Variants in AGBL4 observed in about 807,000 individuals in gnomAD.
AGBL4 encodes the protein AGBL carboxypeptidase 4.
In AGBL4, 58 loss-of-function variants were observed where a neutral mutation model predicts 66.4. The ratio of observed to expected loss-of-function variants is 0.87; its 90% CI spans 0.71 to 1.09. The LOEUF (loss-of-function observed/expected upper bound fraction) is 1.09, where lower values mean the gene tolerates loss of function less well. Ranked by LOEUF, AGBL4 falls within the 50% of genes least tolerant of loss-of-function variation. The probability of loss-of-function intolerance (pLI) is 0.00; values close to 1 mark genes in which losing one functional copy is unlikely to be tolerated. For missense variants in AGBL4, 579 were observed against 631.0 expected, an observed-to-expected ratio of 0.92 and a Z score of 0.88; for synonymous variants, 234 against 222.9, an observed-to-expected ratio of 1.05 and a Z score of -0.44.
intron 6 of AGBL4, among the ~76,000 whole-genome samples, chr1:48,665,923 A>G (rs1646179899): frequency 6.6e-6 from 1 of 152,232 alleles, no homozygotes; most frequent in Admixed American, 6.5e-5. Flanking sequence ...AGTCAATTGC[A>G]TTCAGCATTT....
At chr1:48,615,521 G>T (rs1294053257) in intron 9 of AGBL4, among the ~76,000 whole-genome samples, 1 of 152,138 alleles carries the variant, frequency 6.6e-6, no homozygotes. Flanking sequence ...AACCTTAAAA[G>T]TTCAGTTTTC....
intron 3 of AGBL4, chr1:49,472,233 T>G (rs770843677): frequency 4.6e-5 from 7 of 152,060 alleles, no homozygotes; most frequent in Admixed American, 1.3e-4. Flanking sequence ...TATTTAAGTC[T>G]GATGTGGAGT....
At chr1:48,799,408 G>GT (rs1426461003) in intron 6 of AGBL4, among the ~76,000 whole-genome samples, 2 of 152,086 alleles carry the variant, frequency 1.3e-5, no homozygotes, top group Non-Finnish European at 2.9e-5. Flanking sequence ...AGTCTTTAGG[G>GT]TTTTTTAGGT....
At chr1:49,984,148 T>G (rs1042616514) in intron 1 of AGBL4, among the ~76,000 whole-genome samples, 1 of 152,238 alleles carries the variant, frequency 6.6e-6, no homozygotes, top group African/African-American at 2.4e-5. Flanking sequence ...AGATTTTTCT[T>G]GTTCTCTAGC....
chr1:49,695,301 T>C (rs759726257), intron 3 of AGBL4, among the ~76,000 whole-genome samples: 4 of 152,092 alleles, frequency 2.6e-5, no homozygotes, highest in Non-Finnish European at 4.4e-5. Context: ...GTTGCTGATA[T>C]GAGACAGGAA....
chr1:49,472,240 G>C (rs771340052), intron 3 of AGBL4, among the ~76,000 whole-genome samples: 2 of 151,976 alleles, frequency 1.3e-5, no homozygotes, highest in African/African-American at 2.4e-5. Flanking sequence ...GTCTGATGTG[G>C]AGTCTCATAA....
At chr1:49,068,805 C>G (rs1475731508) in intron 4 of AGBL4, among the ~76,000 whole-genome samples, 3 of 152,200 alleles carry the variant, frequency 2.0e-5, no homozygotes, top group Non-Finnish European at 4.4e-5. Flanking sequence ...GGAGTCACCA[C>G]AGAGTCTTCC....
chr1:48,608,424 A>G (rs551493825), intron 9 of AGBL4, among the ~76,000 whole-genome samples: 1 of 152,278 alleles, frequency 6.6e-6, no homozygotes, highest in East Asian at 1.9e-4. Flanking sequence ...CAAAAATTGC[A>G]TGGTGAGGGG....
chr1:49,504,243 T>C (rs1320522899), intron 3 of AGBL4, among the ~76,000 whole-genome samples: 5 of 152,104 alleles, frequency 3.3e-5, no homozygotes, highest in Non-Finnish European at 5.9e-5. Flanking sequence ...CCTTCTGCCA[T>C]GATTGTAAGT....
chr1:49,053,600 A>G (rs1644258882), intron 4 of AGBL4, among the ~76,000 whole-genome samples: 1 of 152,190 alleles, frequency 6.6e-6, no homozygotes, highest in Non-Finnish European at 1.5e-5. Context: ...GAGACTAAGC[A>G]GTCCTGCTTA....
intron 4 of AGBL4, among the ~76,000 whole-genome samples, chr1:49,118,583 T>G (rs1010071850): frequency 2.6e-5 from 4 of 152,224 alleles, no homozygotes; most frequent in African/African-American, 9.6e-5. Flanking sequence ...TTTGATGTGC[T>G]GCTGGATTTG....
chr1:49,097,941 A>G (rs1185985682), intron 4 of AGBL4, among the ~76,000 whole-genome samples: 1 of 152,240 alleles, frequency 6.6e-6, no homozygotes, highest in African/African-American at 2.4e-5. Context: ...CAGTCCTATT[A>G]TGGACCACCT....
intron 1 of AGBL4, among the ~76,000 whole-genome samples, chr1:49,916,063 C>A (rs1212913721): frequency 6.6e-6 from 1 of 152,072 alleles, no homozygotes; most frequent in Non-Finnish European, 1.5e-5. Context: ...GAAAGGACAT[C>A]CACACCAAAA....
chr1:49,316,198 T>A (rs1007495133), intron 3 of AGBL4, among the ~76,000 whole-genome samples: 2 of 152,008 alleles, frequency 1.3e-5, no homozygotes, highest in African/African-American at 4.8e-5. Flanking sequence ...AGATATATGT[T>A]ATCATACATT....
chr1:49,329,663 G>A lies in AGBL4; in HGVS notation c.283-83799C>T, dbSNP rs184078965. Among the ~76,000 whole-genome samples the A allele has an allele frequency of 2.4e-4, 35 of 148,420 alleles. No individual in the cohort carries two copies. The East Asian group carries it at 2.6e-3, about 11-fold the overall frequency. On this transcript the variant is annotated intron_variant, in intron 3 of 13. Coordinates refer to ENST00000371839, the MANE Select transcript of AGBL4 (RefSeq NM_032785.4). Reference sequence around the variant, plus strand: ...CCTAGGTAACATAGTGAGACCCCCCGCCCCCCGCCAAAAAAAAGCACATGT... The same window carrying A: ...CCTAGGTAACATAGTGAGACCCCCCACCCCCCGCCAAAAAAAAGCACATGT...
intron 2 of AGBL4, among the ~76,000 whole-genome samples, chr1:49,824,589 G>C (rs1251851044): frequency 6.6e-6 from 1 of 152,192 alleles, no homozygotes; most frequent in Non-Finnish European, 1.5e-5. Flanking sequence ...ACTGACCTTA[G>C]GGCTTCAGAG....
chr1:48,854,896 A>C (rs1421513805), intron 6 of AGBL4, among the ~76,000 whole-genome samples: 1 of 152,176 alleles, frequency 6.6e-6, no homozygotes, highest in East Asian at 1.9e-4. Context: ...AATACTGAGA[A>C]AGTTGAGTTA....
chr1:49,011,511 C>T (rs1370332672), intron 5 of AGBL4, among the ~76,000 whole-genome samples: 1 of 152,194 alleles, frequency 6.6e-6, no homozygotes, highest in Non-Finnish European at 1.5e-5. Context: ...TACCATTTAA[C>T]CCTGCCATCC....
chr1:49,291,952 C>A (rs1043423602), intron 3 of AGBL4, among the ~76,000 whole-genome samples: 3 of 152,238 alleles, frequency 2.0e-5, no homozygotes, highest in Admixed American at 6.5e-5. Context: ...GCCCTACCCC[C>A]ACCTTGGGCA....
Sources: allele counts gnomAD v4.1 joint callset (sites outside exome capture counted in the v4.1 genomes callset), GRCh38; gene constraint gnomAD v4.1.1; transcripts MANE v1.5; gene names NCBI Gene and HGNC (gene_info 2026-07-23, HGNC 2026-07-21).